The following OCLN variants were observed in gnomAD, a reference collection of about 807,000 sequenced individuals.
The protein encoded by OCLN is phosphatase 1, regulatory subunit 115.
Under a neutral mutation model 47.9 loss-of-function variants are expected in OCLN, and 21 were observed. The observed-to-expected ratio is 0.44, with a 90% CI of 0.31 to 0.63. The LOEUF (loss-of-function observed/expected upper bound fraction) is 0.63, where lower values mean the gene tolerates loss of function less well. Ranked by LOEUF, OCLN falls within the 30% of genes least tolerant of loss-of-function variation. The probability of loss-of-function intolerance (pLI) is 0.08; values close to 1 mark genes in which losing one functional copy is unlikely to be tolerated. For synonymous variants in OCLN, 117 were observed against 198.4 expected, an observed-to-expected ratio of 0.59 and a Z score of 3.45; for missense variants, 360 against 571.0, an observed-to-expected ratio of 0.63 and a Z score of 3.77.
chr5:69,501,041 C>T (rs1286536508), intron 1 of OCLN, among the ~76,000 whole-genome samples: 1 of 152,080 alleles, frequency 6.6e-6, no homozygotes, highest in Non-Finnish European at 1.5e-5. Flanking sequence ...CTCAGTTTCT[C>T]AAGTAGCTGG....
chr5:69,522,933 G>A (rs2112026216), intron 4 of OCLN, among the ~76,000 whole-genome samples: 1 of 124,792 alleles, frequency 8.0e-6, no homozygotes, highest in East Asian at 2.3e-4. Context: ...TCGCTATGTC[G>A]CCCAGGCTAT....
At chr5:69,515,719 A>T (rs1249086909) in intron 4 of OCLN, among the ~76,000 whole-genome samples, 1 of 147,304 alleles carries the variant, frequency 6.8e-6, no homozygotes, top group Admixed American at 6.7e-5. Flanking sequence ...TGCCGGGCGG[A>T]GGGGCTCCTC....
intron 4 of OCLN, among the ~76,000 whole-genome samples, chr5:69,515,594 C>A (rs1244309368): frequency 1.3e-5 from 2 of 150,496 alleles, no homozygotes; most frequent in Admixed American, 6.6e-5. Context: ...GGCTGACCCC[C>A]CCACCTCCCT....
At chr5:69,514,809 CAGCACATGTTTCAGAG>C (rs1181762719) in intron 4 of OCLN, among the ~76,000 whole-genome samples, 2 of 152,184 alleles carry the variant, frequency 1.3e-5, no homozygotes, top group Non-Finnish European at 2.9e-5. Context: ...TGAGTGGACA[CAGCACATGTTTCAGAG>C]AGCACAGGGT....
At chr5:69,537,088 G>A (rs1769609924) in intron 5 of OCLN, among the ~76,000 whole-genome samples, 1 of 150,812 alleles carries the variant, frequency 6.6e-6, no homozygotes, top group African/African-American at 2.4e-5. Context: ...ACTTGAGCCC[G>A]GGAGCTCAAA....
chr5:69,523,955 C>T (rs965802813), intron 4 of OCLN, among the ~76,000 whole-genome samples: 1 of 152,142 alleles, frequency 6.6e-6, no homozygotes, highest in Admixed American at 6.5e-5. Flanking sequence ...TTGAGACCAT[C>T]CTGGCCAACA....
At chr5:69,508,788 G>A (rs1768682131) in intron 2 of OCLN, among the ~76,000 whole-genome samples, 1 of 152,188 alleles carries the variant, frequency 6.6e-6, no homozygotes, top group South Asian at 2.1e-4. Context: ...TTGGAAAACA[G>A]TTTGATACTG....
chr5:69,515,743 G>A (rs936461735), intron 4 of OCLN, among the ~76,000 whole-genome samples: 3 of 149,552 alleles, frequency 2.0e-5, no homozygotes, highest in African/African-American at 7.4e-5. Context: ...TCTCATATGG[G>A]GCGGTTGCCA....
At chr5:69,548,983 A>G in intron 7 of OCLN, among the ~76,000 whole-genome samples, 1 of 147,332 alleles carries the variant, frequency 6.8e-6, no homozygotes, top group African/African-American at 2.5e-5. Flanking sequence ...TAATAATAAT[A>G]AAATAGCCTT....
chr5:69,504,456 T>C (rs1768541612), intron 2 of OCLN, among the ~76,000 whole-genome samples, 162 bp downstream of exon 2: 1 of 152,220 alleles, frequency 6.6e-6, no homozygotes, highest in Non-Finnish European at 1.5e-5. Flanking sequence ...TGAATTTCTC[T>C]CAACTTTCAG....
intron 1 of OCLN, among the ~76,000 whole-genome samples, chr5:69,501,286 C>T (rs937652678): frequency 6.6e-6 from 1 of 152,172 alleles, no homozygotes; most frequent in Non-Finnish European, 1.5e-5. Flanking sequence ...AGTACCATAA[C>T]ATTTTCGCCT....
At chr5:69,532,995 A>ATG (rs746546559) in intron 4 of OCLN, among the ~76,000 whole-genome samples, 263 of 48,952 alleles carry the variant, frequency 5.4e-3, no homozygotes, top group African/African-American at 0.024. Flanking sequence ...ATATGTATGC[A>ATG]TGTATGTGTG....
intron 2 of OCLN, among the ~76,000 whole-genome samples, chr5:69,505,016 G>A (rs555717089): frequency 6.6e-6 from 1 of 152,276 alleles, no homozygotes; most frequent in South Asian, 2.1e-4. Context: ...TTGGGAGGCC[G>A]AGGCGGGTGG....
chr5:69,507,418 C>G (rs1316475284), intron 2 of OCLN, among the ~76,000 whole-genome samples: 2 of 152,094 alleles, frequency 1.3e-5, no homozygotes, highest in Non-Finnish European at 2.9e-5. Context: ...TGTGAGCCAC[C>G]ACATCTGGCC....
At chr5:69,504,703 G>A (rs1189481930) in intron 2 of OCLN, among the ~76,000 whole-genome samples, 3 of 152,198 alleles carry the variant, frequency 2.0e-5, no homozygotes, top group South Asian at 2.1e-4. Context: ...TTGGGAGGCC[G>A]AGGCTGGCGG....
At chr5:69,535,041 G>A (rs879059183) in intron 5 of OCLN, among the ~76,000 whole-genome samples, 1 of 151,898 alleles carries the variant, frequency 6.6e-6, no homozygotes, top group Non-Finnish European at 1.5e-5. Flanking sequence ...GGAGGGTGGG[G>A]TTCTATTTCC....
intron 2 of OCLN, 129 bp from the exon 3 acceptor site, chr5:69,509,012 G>A: frequency 1.2e-6 from 1 of 810,446 alleles, no homozygotes; most frequent in Non-Finnish European, 2.1e-6. Context: ...AAGCCCTCCA[G>A]GTGATTCCTG....
At chr5:69,534,942 C>A in intron 5 of OCLN, 103 bp downstream of exon 5, 2 of 1,176,638 alleles carry the variant, frequency 1.7e-6, no homozygotes, top group Non-Finnish European at 2.5e-6. Flanking sequence ...TCCAGCAGTG[C>A]ACACAAAAGC....
intron 4 of OCLN, among the ~76,000 whole-genome samples, chr5:69,521,848 C>G (rs1769146625): frequency 6.6e-6 from 1 of 152,150 alleles, no homozygotes; most frequent in South Asian, 2.1e-4. Flanking sequence ...ATTTCCTATT[C>G]TTCATCACTT....
Sources: gnomAD v4.1 joint callset for allele counts (sites outside exome capture counted in the v4.1 genomes callset) on GRCh38, gnomAD v4.1.1 for gene constraint, MANE v1.5 for transcripts, NCBI Gene and HGNC (gene_info 2026-07-23, HGNC 2026-07-21) for gene names.